Variants in PKHD1L1 observed in about 807,000 individuals in gnomAD.
PKHD1L1 encodes fibrocystin-L.
Under a neutral mutation model 462.9 loss-of-function variants are expected in PKHD1L1, and 434 were observed. The observed-to-expected ratio is 0.94, with a 90% confidence interval of 0.87 to 1.02. PKHD1L1 has a LOEUF of 1.02. Ranked by LOEUF, PKHD1L1 falls within the 50% of genes least tolerant of loss-of-function variation. PKHD1L1 has a pLI of 0.00. For synonymous variants in PKHD1L1, 1,781 were observed against 1,750.0 expected (o/e 1.02, Z -0.44); for missense variants, 5,202 against 5,096.1 (o/e 1.02, Z -0.63).
At chr8:109,422,185 A>G (rs1048716273) in intron 23 of PKHD1L1, among the ~76,000 whole-genome samples, 73 of 152,096 alleles carry the variant, frequency 4.8e-4, no homozygotes, top group African/African-American at 1.6e-3. Context: ...TTGACATGAT[A>G]AAATCCACTG....
intron 2 of PKHD1L1, among the ~76,000 whole-genome samples, chr8:109,378,014 A>G (rs2130389211): frequency 6.6e-6 from 1 of 152,250 alleles, no homozygotes; most frequent in East Asian, 1.9e-4. Flanking sequence ...ATATCCCGTC[A>G]GCATGCAAAT....
chr8:109,501,978 C>A (rs1819439678), intron 67 of PKHD1L1, among the ~76,000 whole-genome samples: 1 of 152,048 alleles, frequency 6.6e-6, no homozygotes, highest in African/African-American at 2.4e-5. Context: ...TACCTTAGAT[C>A]AGTTCTCTCT....
At chr8:109,454,384 A>G in intron 44 of PKHD1L1, 138 bp downstream of exon 44, 1 of 678,212 alleles carries the variant, frequency 1.5e-6, no homozygotes, top group Non-Finnish European at 2.4e-6. Flanking sequence ...TATTGGTATA[A>G]AATCCTTTAT....
intron 57 of PKHD1L1, among the ~76,000 whole-genome samples, chr8:109,484,740 A>G (rs749162420): frequency 6.6e-6 from 1 of 151,958 alleles, no homozygotes; most frequent in Non-Finnish European, 1.5e-5. Context: ...AGCAGTTTTT[A>G]ATAAAAATGT....
At chr8:109,459,569 A>G (rs886877550) in intron 46 of PKHD1L1, 26 bp from the exon 47 acceptor site, 80 of 1,363,128 alleles carry the variant, frequency 5.9e-5, no homozygotes, top group Non-Finnish European at 6.6e-5. Context: ...ATTAATTTTA[A>G]AATTTTTTTG....
At chr8:109,416,191 C>T (rs2130624566) in intron 21 of PKHD1L1, among the ~76,000 whole-genome samples, 1 of 152,204 alleles carries the variant, frequency 6.6e-6, no homozygotes, top group South Asian at 2.1e-4. Flanking sequence ...AAAAGTCATG[C>T]TTCATATATT....
intron 21 of PKHD1L1, among the ~76,000 whole-genome samples, chr8:109,418,563 G>C (rs567233808): frequency 5.3e-5 from 8 of 152,272 alleles, no homozygotes; most frequent in African/African-American, 1.7e-4. Context: ...ATCTGAATCT[G>C]AGTTATACAT....
chr8:109,450,227 T>G (rs528928584), intron 40 of PKHD1L1, among the ~76,000 whole-genome samples: 1 of 152,318 alleles, frequency 6.6e-6, no homozygotes. Context: ...TTTGGTACTT[T>G]GGACAACAAA....
At position 109,408,092 on chromosome 8, in the gene PKHD1L1, T is replaced by G. The variant is rs779756445; in HGVS notation, c.1857T>G (p.Asn619Lys). 3.7e-6 allele frequency: 6 copies of G among 1,612,770 alleles called. No individual in the cohort carries two copies. The change falls in exon 18 of 78, where the codon AAT (asparagine) becomes AAG (lysine). Residue 619 changes from asparagine (N) to lysine (K), a missense_variant. Asn to Lys is a moderately conservative substitution (Grantham distance 94). Coordinates refer to ENST00000378402, the MANE Select transcript of PKHD1L1 (RefSeq NM_177531.6). Reference protein sequence around the residue: ...LLGYEVVEGNNVTLDITEQTK... With the variant: ...LLGYEVVEGNKVTLDITEQTK... ...GTTATGAAGTAGTTGAAGGGAATAA[T>G]GTCACACTGGATATTACAGAACAAA...
chr8:109,448,252 T>C lies in PKHD1L1; in HGVS notation c.5886T>C (p.Asp1962=). 1.2e-6 allele frequency: 2 copies of C among 1,613,654 alleles called. No individual in the cohort carries two copies. Among genetic ancestry groups the C allele is most frequent in the African/African-American group, 1.3e-5 (1 of 74,990 alleles). ...NIQCNVTMAN[D]SVVQCIVGDH... is the part of the protein sequence containing the mutation. Reference sequence around the variant, plus strand: ...AGTGTAATGTAACCATGGCCAATGATAGTGTGGTGCAGTGCATCGTGGGAG... The same window carrying C: ...AGTGTAATGTAACCATGGCCAATGACAGTGTGGTGCAGTGCATCGTGGGAG... Residue 1962 remains aspartate, a synonymous_variant, in exon 39 of 78, where the codon GAT becomes GAC. Transcript: ENST00000378402.
Position 109,398,544 on chromosome 8 carries a change from TCC to T in PKHD1L1, c.1009_1010del (p.Pro337ArgfsTer8), listed in dbSNP as rs1262245043. Reference sequence around the variant, plus strand: ...AACCTCATATTCTCAAAACTGTATATCCAGGTAAGTTACCATAAGGGACAATG... The same window carrying T: ...AACCTCATATTCTCAAAACTGTATATAGGTAAGTTACCATAAGGGACAATG... The part of the protein sequence containing the change: ...PKPHILKTVY[P>X]GGRGLKLEVW... On this transcript the variant is annotated frameshift_variant and splice_region_variant, in exon 12 of 78. Coordinates refer to ENST00000378402, the MANE Select transcript of PKHD1L1 (RefSeq NM_177531.6). LOFTEE classifies it high-confidence loss of function. The T allele has an allele frequency of 6.5e-7, 1 of 1,535,790 alleles. No individual in the cohort carries two copies. The highest frequency in any genetic ancestry group is 1.4e-5 in the African/African-American group (1 of 73,196).
At chr8:109,507,584 A>T in intron 68 of PKHD1L1, 79 bp from the exon 69 acceptor site, 2 of 1,214,994 alleles carry the variant, frequency 1.6e-6, no homozygotes, top group African/African-American at 1.5e-5. Context: ...TTTTTTGGAT[A>T]TCCTCTAAGT....
At chr8:109,436,230 G>A in intron 29 of PKHD1L1, 108 bp from the exon 30 acceptor site, 6 of 1,158,642 alleles carry the variant, frequency 5.2e-6, no homozygotes, top group Non-Finnish European at 7.2e-6. Context: ...ACATCTCTTG[G>A]ATCATTAGAC....
chr8:109,485,363 T>A (rs888015288), intron 58 of PKHD1L1, among the ~76,000 whole-genome samples, 190 bp downstream of exon 58: 2 of 151,990 alleles, frequency 1.3e-5, no homozygotes, highest in Non-Finnish European at 2.9e-5. Context: ...CTATGTGCTT[T>A]CATTCATTCA....
At chr8:109,452,030 T>G (rs926206477) in intron 41 of PKHD1L1, 94 bp from the exon 42 acceptor site, 133 of 1,153,378 alleles carry the variant, frequency 1.2e-4, no homozygotes, top group Non-Finnish European at 1.5e-4. Context: ...GGTCATTTTT[T>G]TTTTGCAATA....
In PKHD1L1 at chr8:109,390,602, C is replaced by CT. The variant is rs1298769079; in HGVS notation, c.740+115dup. On this transcript the variant is annotated intron_variant, in intron 9 of 77. Transcript: ENST00000378402. Reference sequence around the variant, plus strand: ...GATGCAGAGGTTTAAAAATTAACTACTTTTTTTCCCCAATTAACAGTTAAA... The same window carrying CT: ...GATGCAGAGGTTTAAAAATTAACTACTTTTTTTTCCCCAATTAACAGTTAAA... 10 of 540,706 alleles carry CT rather than the reference C, an allele frequency of 1.8e-5. No homozygotes were observed. The South Asian group carries it at 2.0e-4, about 11-fold the overall frequency. 33.5% of individuals were successfully genotyped at this position (540,706 alleles called of 1,614,324 possible).
intron 57 of PKHD1L1, among the ~76,000 whole-genome samples, chr8:109,484,237 TTAAG>T (rs1236355022): frequency 6.6e-6 from 1 of 151,882 alleles, no homozygotes; most frequent in Non-Finnish European, 1.5e-5. Context: ...AAGAGAGTAA[TTAAG>T]TGATTTTGAT....
In PKHD1L1 at chr8:109,452,148, C is replaced by T. The variant is rs1173725654; in HGVS notation, c.6375C>T (p.Ile2125=). Reference sequence around the variant, plus strand: ...GTGAAAATATGGAGGATGTTCATATCACCATAGCTGAAGCCAAATGTGATG... The same window carrying T: ...GTGAAAATATGGAGGATGTTCATATTACCATAGCTGAAGCCAAATGTGATG... ...GFSENMEDVH[I]TIAEAKCDVE... Residue 2125 remains isoleucine (I), a synonymous_variant, in exon 42 of 78, where the codon ATC becomes ATT. Transcript: ENST00000378402. 1 of 1,611,276 alleles carries T rather than the reference C, an allele frequency of 6.2e-7. No homozygotes were observed. Among genetic ancestry groups the T allele is most frequent in the African/African-American group, 1.3e-5 (1 of 74,868 alleles).
At position 109,444,893 on chromosome 8, in the gene PKHD1L1, C is replaced by T; in HGVS notation, c.5024C>T (p.Thr1675Ile). ...AATGCAGGATCAACTACAGGAATGA[C>T]AAGCGTGACCATAAAAGGCTCTGGA... ...LPNAGSTTGM[T>I]SVTIKGSGFA... Residue 1675 changes from threonine (T) to isoleucine (I), a missense_variant, in exon 38 of 78, where the codon ACA (threonine) becomes ATA (isoleucine). Physicochemically the swap from Thr to Ile is moderately conservative, Grantham distance 89 (BLOSUM62 -1). Coordinates refer to ENST00000378402, the MANE Select transcript of PKHD1L1 (RefSeq NM_177531.6). The T allele has an allele frequency of 6.2e-7, 1 of 1,613,988 alleles. No homozygotes were observed. Among genetic ancestry groups the T allele is most frequent in the Non-Finnish European group, 8.5e-7 (1 of 1,179,888 alleles).
Sources: allele counts gnomAD v4.1 joint callset (sites outside exome capture counted in the v4.1 genomes callset), GRCh38; gene constraint gnomAD v4.1.1; transcripts MANE v1.5; gene names NCBI Gene and HGNC (gene_info 2026-07-23, HGNC 2026-07-21).